The following GRIN2B variants were observed in gnomAD, a reference collection of about 807,000 sequenced individuals.
GRIN2B encodes glutamate receptor ionotropic, NMDA 2B.
In GRIN2B, 5 loss-of-function variants were observed where a neutral mutation model predicts 114.5. That is an observed-to-expected ratio of 0.04 (90% CI 0.02 to 0.09). The LOEUF is 0.09. GRIN2B is among the 10% of genes least tolerant of loss of function. The probability of loss-of-function intolerance (pLI) is 1.00; values close to 1 mark genes in which losing one functional copy is unlikely to be tolerated. For synonymous variants in GRIN2B, 787 were observed against 745.1 expected, an observed-to-expected ratio of 1.06 and a Z score of -0.92; for missense variants, 1,108 against 1,943.5, an observed-to-expected ratio of 0.57 and a Z score of 8.08.
rs555783512 is a variant in GRIN2B at position 13,686,356 on chromosome 12, C to A, written c.1011-10497G>T. ...TTTTCTCATCCTCAAGAGGACAGCA[C>A]CATGAACCCCAATTGCATCTTCACT... is the stretch of plus-strand genomic sequence containing the variant. On this transcript the variant is annotated intron_variant, in intron 4 of 13. Transcript: ENST00000609686. Among the ~76,000 whole-genome samples, 8 of 152,088 alleles carry A rather than the reference C, an allele frequency of 5.3e-5. No homozygotes were observed. In the South Asian group the frequency reaches 1.7e-3, roughly 31 times the overall value.
intron 2 of GRIN2B, among the ~76,000 whole-genome samples, chr12:13,896,433 T>C (rs900727577): frequency 2.6e-5 from 4 of 152,164 alleles, no homozygotes; most frequent in African/African-American, 7.2e-5. Context: ...TCTGCAGTAT[T>C]ACCACTGGCC....
intron 4 of GRIN2B, among the ~76,000 whole-genome samples, chr12:13,734,259 T>C (rs549926445): frequency 3.5e-4 from 53 of 152,270 alleles, no homozygotes; most frequent in Admixed American, 2.2e-3. Flanking sequence ...GTTATAGAAA[T>C]CTAGGCACAA....
At chr12:13,610,262 T>G (rs1026030621) in intron 9 of GRIN2B, among the ~76,000 whole-genome samples, 1 of 152,214 alleles carries the variant, frequency 6.6e-6, no homozygotes, top group African/African-American at 2.4e-5. Context: ...ACTTGATATT[T>G]AAAGTGGCCC....
chr12:13,957,301 G>A (rs780405811), intron 2 of GRIN2B, among the ~76,000 whole-genome samples: 18 of 152,102 alleles, frequency 1.2e-4, no homozygotes, highest in Admixed American at 2.0e-4. Context: ...TGGGAAGAAA[G>A]GTACTTAGGG....
At chr12:13,754,664 G>T (rs759134940) in intron 3 of GRIN2B, among the ~76,000 whole-genome samples, 1 of 152,098 alleles carries the variant, frequency 6.6e-6, no homozygotes, top group East Asian at 1.9e-4. Flanking sequence ...ACAGAATAAG[G>T]CTCAAACAGT....
chr12:13,710,792 C>G (rs577813065), intron 4 of GRIN2B, among the ~76,000 whole-genome samples: 25 of 152,182 alleles, frequency 1.6e-4, no homozygotes, highest in African/African-American at 5.3e-4. Flanking sequence ...GTGAAAATGG[C>G]CATATTGCCC....
Position 13,562,622 on chromosome 12 carries a change from G to T in GRIN2B, c.*161C>A. 3.0e-6 allele frequency: 2 copies of T among 669,962 alleles called. No homozygotes were observed. The highest frequency in any genetic ancestry group is 2.7e-6 in the Non-Finnish European group (1 of 375,222). 41.5% of individuals were successfully genotyped at this position (669,962 alleles called of 1,614,324 possible). The stretch of plus-strand genomic sequence containing the variant: ...AGAGATGGTGCTGGTCACCAGGGTT[G>T]CCCCCAGTAGGAACCAGAACTCCAG... On this transcript the variant is annotated 3_prime_UTR_variant, in exon 14 of 14. Coordinates refer to ENST00000609686, the MANE Select transcript of GRIN2B (RefSeq NM_000834.5).
chr12:13,630,538 T>A (rs1478043471), intron 5 of GRIN2B, among the ~76,000 whole-genome samples: 2 of 152,178 alleles, frequency 1.3e-5, no homozygotes, highest in African/African-American at 4.8e-5. Context: ...CCTCTTGGAA[T>A]GTTGCTGACA....
intron 3 of GRIN2B, among the ~76,000 whole-genome samples, chr12:13,826,026 C>CT (rs1008677156): frequency 3.3e-5 from 5 of 150,314 alleles, no homozygotes; most frequent in Non-Finnish European, 5.9e-5. Context: ...TTTGTTTCTT[C>CT]TTTTTTTTTC....
At chr12:13,788,050 C>A (rs1864248311) in intron 3 of GRIN2B, among the ~76,000 whole-genome samples, 1 of 152,168 alleles carries the variant, frequency 6.6e-6, no homozygotes, top group Non-Finnish European at 1.5e-5. Context: ...GACTGATATC[C>A]TGTCATCTCA....
intron 10 of GRIN2B, among the ~76,000 whole-genome samples, chr12:13,600,542 T>C (rs1329072123): frequency 6.6e-6 from 1 of 151,884 alleles, no homozygotes; most frequent in African/African-American, 2.4e-5. Context: ...ACAAGGAGGA[T>C]AAGGCTACAA....
Position 13,931,462 on chromosome 12 carries a change from C to T in GRIN2B, c.-19+48466G>A, listed in dbSNP as rs554616136. ...GTCTCTCTCTGTCTCTCCTCCTTTT[C>T]TCACCCTCTAAAAGTAGAATGCTCC... On this transcript the variant is annotated intron_variant, in intron 2 of 13. Transcript: ENST00000609686. Among the ~76,000 whole-genome samples, 5 of 152,296 alleles carry T rather than the reference C, an allele frequency of 3.3e-5. No homozygotes were observed. The East Asian group carries it at 9.7e-4, about 29-fold the overall frequency.
chr12:13,658,713 T>C (rs1949891584), intron 5 of GRIN2B, among the ~76,000 whole-genome samples: 1 of 152,104 alleles, frequency 6.6e-6, no homozygotes, highest in South Asian at 2.1e-4. Flanking sequence ...TTTTAAACAA[T>C]GAGTAAAAGA....
intron 2 of GRIN2B, among the ~76,000 whole-genome samples, chr12:13,911,197 T>C (rs979525169): frequency 6.6e-6 from 1 of 151,854 alleles, no homozygotes; most frequent in Non-Finnish European, 1.5e-5. Flanking sequence ...TAGCACAGAA[T>C]TTACAAGAAA....
At chr12:13,903,736 TGTTA>T (rs370933302) in intron 2 of GRIN2B, among the ~76,000 whole-genome samples, 13 of 152,208 alleles carry the variant, frequency 8.5e-5, no homozygotes, top group African/African-American at 3.1e-4. Context: ...ATGTCAAGTT[TGTTA>T]ATCATATTAA....
chr12:13,595,074 G>C (rs544917415), intron 10 of GRIN2B, among the ~76,000 whole-genome samples: 6 of 152,292 alleles, frequency 3.9e-5, no homozygotes, highest in African/African-American at 1.4e-4. Context: ...ATTCCAAGAG[G>C]AGATTCTGAA....
chr12:13,878,673 G>A (rs1048517067), intron 2 of GRIN2B, among the ~76,000 whole-genome samples: 3 of 152,136 alleles, frequency 2.0e-5, no homozygotes, highest in Non-Finnish European at 4.4e-5. Context: ...CCACTGAGTC[G>A]AGTATGGCCT....
intron 4 of GRIN2B, among the ~76,000 whole-genome samples, chr12:13,752,044 A>G (rs1863492342): frequency 6.6e-6 from 1 of 152,202 alleles, no homozygotes; most frequent in Non-Finnish European, 1.5e-5. Flanking sequence ...AGATTGGATC[A>G]CAGATATAAC....
chr12:13,574,275 C>T (rs1185296114), intron 10 of GRIN2B, among the ~76,000 whole-genome samples: 1 of 152,208 alleles, frequency 6.6e-6, no homozygotes, highest in African/African-American at 2.4e-5. Context: ...CACCAGAATG[C>T]TTTGCATACC....
Sources: allele counts gnomAD v4.1 joint callset (sites outside exome capture counted in the v4.1 genomes callset), GRCh38; gene constraint gnomAD v4.1.1; transcripts MANE v1.5; gene names NCBI Gene and HGNC (gene_info 2026-07-23, HGNC 2026-07-21).